Variants in DNAH11 observed in about 807,000 individuals in gnomAD.
The protein encoded by DNAH11 is dynein axonemal heavy chain 11, also known as axonemal beta dynein heavy chain 11.
A neutral mutation model predicts 526.0 loss-of-function variants in DNAH11; 442 were observed. The ratio of observed to expected loss-of-function variants is 0.84; its 90% confidence interval spans 0.78 to 0.91. The LOEUF (loss-of-function observed/expected upper bound fraction) is 0.91. Ranked by LOEUF, DNAH11 falls within the 40% of genes least tolerant of loss-of-function variation. The pLI, the probability that DNAH11 is intolerant of heterozygous loss-of-function variation, is 0.00. For synonymous variants in DNAH11, 2,461 were observed against 1,935.9 expected, an observed-to-expected ratio of 1.27 and a Z score of -7.12; for missense variants, 6,989 against 5,448.7, an observed-to-expected ratio of 1.28 and a Z score of -8.90.
At chr7:21,769,370 T>C (rs985831044) in intron 55 of DNAH11, among the ~76,000 whole-genome samples, 1 of 151,554 alleles carries the variant, frequency 6.6e-6, no homozygotes, top group African/African-American at 2.5e-5. Flanking sequence ...GTTTGTAGTT[T>C]TGTGGCTTTT....
intron 9 of DNAH11, 94 bp from the exon 10 acceptor site, chr7:21,587,970 T>A (rs1167597836): frequency 1.7e-6 from 2 of 1,191,770 alleles, no homozygotes; most frequent in Non-Finnish European, 2.3e-6. Context: ...TTCTAAACTT[T>A]AGTCATGTAA....
rs1357757602 is a variant in DNAH11 at position 21,658,919 on chromosome 7, C to G, written c.5216C>G (p.Ala1739Gly). Reference protein sequence around the residue: ...PRELWIFDFPAQVALTSSQIW... With the variant: ...PRELWIFDFPGQVALTSSQIW... Reference sequence around the variant, plus strand: ...GAACTGTGGATTTTTGATTTCCCAGCTCAGGTTGCACTAACCAGCTCACAA... The same window carrying G: ...GAACTGTGGATTTTTGATTTCCCAGGTCAGGTTGCACTAACCAGCTCACAA... Residue 1739 changes from alanine to glycine, a missense_variant, in exon 30 of 82, where the codon GCT becomes GGT. Transcript: ENST00000409508. 1.2e-6 allele frequency: 2 copies of G among 1,610,340 alleles called. No homozygotes were observed. Among genetic ancestry groups the G allele is most frequent in the Non-Finnish European group, 1.7e-6 (2 of 1,178,472 alleles).
intron 66 of DNAH11, among the ~76,000 whole-genome samples, chr7:21,852,115 A>G (rs56224522): frequency 0.02 from 3,007 of 152,222 alleles, 80 homozygotes; most frequent in Non-Finnish European, 0.022. Context: ...GTTTAAAAAC[A>G]TTTACTTGTC....
At chr7:21,683,678 A>C in intron 31 of DNAH11, 106 bp from the exon 32 acceptor site, 3 of 1,267,164 alleles carry the variant, frequency 2.4e-6, no homozygotes, top group East Asian at 2.5e-5. Flanking sequence ...GAGATTTCCT[A>C]TTTATGAGAA....
At chr7:21,546,378 A>G (rs1421107128) in intron 2 of DNAH11, among the ~76,000 whole-genome samples, 2 of 152,188 alleles carry the variant, frequency 1.3e-5, no homozygotes, top group South Asian at 2.1e-4. Flanking sequence ...ACCAGGAACA[A>G]TTTTTGGTAT....
At chr7:21,803,593 T>C in intron 62 of DNAH11, among the ~76,000 whole-genome samples, 1 of 118,804 alleles carries the variant, frequency 8.4e-6, no homozygotes, top group Admixed American at 9.4e-5. Context: ...ACCCCACACC[T>C]CCTGCCCAAA....
intron 65 of DNAH11, among the ~76,000 whole-genome samples, chr7:21,836,969 A>C (rs1782018954): frequency 6.6e-6 from 1 of 152,298 alleles, no homozygotes; most frequent in East Asian, 1.9e-4. Context: ...AGACATACAA[A>C]TGACCAACAG....
chr7:21,677,534 A>G (rs566046914), intron 30 of DNAH11, among the ~76,000 whole-genome samples: 1 of 152,262 alleles, frequency 6.6e-6, no homozygotes, highest in African/African-American at 2.4e-5. Flanking sequence ...GGTACACGTC[A>G]CTATGCCTGG....
intron 1 of DNAH11, among the ~76,000 whole-genome samples, chr7:21,544,373 G>A (rs1782725967): frequency 6.6e-6 from 1 of 152,158 alleles, no homozygotes; most frequent in Non-Finnish European, 1.5e-5. Flanking sequence ...AGAGTAATAG[G>A]AAGGCTGCCT....
chr7:21,553,720 G>A (rs944476543), intron 2 of DNAH11, among the ~76,000 whole-genome samples: 18 of 151,986 alleles, frequency 1.2e-4, no homozygotes, highest in Non-Finnish European at 7.4e-5. Flanking sequence ...TCTTTGTGTC[G>A]AAATCTGTCA....
chr7:21,848,035 C>T (rs530097809), intron 66 of DNAH11, among the ~76,000 whole-genome samples: 32 of 151,818 alleles, frequency 2.1e-4, no homozygotes, highest in Non-Finnish European at 1.6e-4. Flanking sequence ...GGCGTGGTGG[C>T]GGGTGCCTGT....
intron 24 of DNAH11, 26 bp downstream of exon 24, chr7:21,619,248 T>C: frequency 6.3e-7 from 1 of 1,598,794 alleles, no homozygotes. Context: ...CTGGGTCATT[T>C]CTACTTGGCT....
At chr7:21,859,979 C>T (rs761702614) in intron 68 of DNAH11, among the ~76,000 whole-genome samples, 1 of 152,000 alleles carries the variant, frequency 6.6e-6, no homozygotes, top group Non-Finnish European at 1.5e-5. Flanking sequence ...ATCAACAAGC[C>T]TGGGCAACAC....
intron 30 of DNAH11, among the ~76,000 whole-genome samples, chr7:21,677,850 A>G (rs906327610): frequency 6.6e-5 from 10 of 152,212 alleles, no homozygotes; most frequent in Admixed American, 6.5e-4. Context: ...CTTTTCATAT[A>G]CTAGTTAGAC....
At chr7:21,608,502 A>G (rs1351403916) in intron 20 of DNAH11, among the ~76,000 whole-genome samples, 2 of 152,210 alleles carry the variant, frequency 1.3e-5, no homozygotes, top group Non-Finnish European at 2.9e-5. Context: ...TCTCTTTCCA[A>G]ATTTTGGGTT....
chr7:21,711,791 G>T lies in DNAH11; in HGVS notation c.6914G>T (p.Ser2305Ile), dbSNP rs1429263161. Residue 2305 changes from serine to isoleucine, a missense_variant, in exon 42 of 82, where the codon AGC becomes ATC. Ser to Ile is a moderately radical substitution (Grantham distance 142). Transcript: ENST00000409508. ...RLLFEIHHLR[S>I]ATPATVSRAG... ...CTGTTTGAGATACATCACTTAAGGA[G>T]CGCAACCCCGGCCACTGTTTCCAGA... is the stretch of plus-strand genomic sequence containing the variant. 1 of 1,613,876 alleles carries T rather than the reference G, an allele frequency of 6.2e-7. No homozygotes were observed. The highest frequency in any genetic ancestry group is 8.5e-7 in the Non-Finnish European group (1 of 1,179,828).
chr7:21,727,227 C>G (rs1445227244), intron 45 of DNAH11, among the ~76,000 whole-genome samples: 1 of 151,916 alleles, frequency 6.6e-6, no homozygotes, highest in Non-Finnish European at 1.5e-5. Context: ...GCCACCGTGC[C>G]TGGCCTCTGC....
chr7:21,878,476 G>C (rs4281025), intron 74 of DNAH11, among the ~76,000 whole-genome samples: 35 of 152,252 alleles, frequency 2.3e-4, no homozygotes, highest in African/African-American at 8.4e-4. Context: ...ACATTTAAAA[G>C]TAAATTTTTT....
At chr7:21,680,585 A>G (rs1430763635) in intron 30 of DNAH11, among the ~76,000 whole-genome samples, 1 of 152,212 alleles carries the variant, frequency 6.6e-6, no homozygotes, top group Non-Finnish European at 1.5e-5. Context: ...GAAACAATAC[A>G]TTCTCTTACT....
Sources: gnomAD v4.1 joint callset for allele counts (sites outside exome capture counted in the v4.1 genomes callset) on GRCh38, gnomAD v4.1.1 for gene constraint, MANE v1.5 for transcripts, NCBI Gene and HGNC (gene_info 2026-07-23, HGNC 2026-07-21) for gene names.